The following SIN3A variants were observed in gnomAD, a reference collection of about 807,000 sequenced individuals.
The protein encoded by SIN3A is paired amphipathic helix protein Sin3a.
SIN3A carries 14 observed loss-of-function variants against 146.1 expected under a neutral mutation model. The observed-to-expected ratio is 0.10, with a 90% CI of 0.06 to 0.15. SIN3A has a LOEUF of 0.15. SIN3A is among the 10% of genes least tolerant of loss of function. SIN3A has a pLI of 1.00. For missense variants in SIN3A, 1,028 were observed against 1,576.0 expected (o/e 0.65, Z 5.89); for synonymous variants, 572 against 572.0 (o/e 1.00, Z 0.00).
intron 2 of SIN3A, among the ~76,000 whole-genome samples, chr15:75,426,161 A>T (rs992905138): frequency 2.0e-5 from 3 of 152,218 alleles, no homozygotes; most frequent in African/African-American, 7.2e-5. Flanking sequence ...AACAGTCATT[A>T]ACCTGTTTAG....
chr15:75,415,523 C>G (rs1260583373), intron 3 of SIN3A: 1 of 208,208 alleles, frequency 4.8e-6, no homozygotes, highest in African/African-American at 2.4e-5. Flanking sequence ...AGGTTGTATG[C>G]TAAACCTGCT....
At chr15:75,435,454 T>C (rs4297648) in intron 1 of SIN3A, among the ~76,000 whole-genome samples, 54,076 of 152,012 alleles carry the variant, frequency 0.36, 10,909 homozygotes, top group African/African-American at 0.54. Flanking sequence ...TCCCAGCACT[T>C]TGGGAGGCCG....
chr15:75,405,485 TG>T (rs2073494614), intron 9 of SIN3A, among the ~76,000 whole-genome samples: 1 of 151,910 alleles, frequency 6.6e-6, no homozygotes, highest in African/African-American at 2.4e-5. Context: ...CCAGGTGTGG[TG>T]GCTCACACCT....
At chr15:75,434,097 T>C (rs1278172296) in intron 1 of SIN3A, among the ~76,000 whole-genome samples, 3 of 152,220 alleles carry the variant, frequency 2.0e-5, no homozygotes, top group African/African-American at 4.8e-5. Flanking sequence ...TTCACTACCT[T>C]ACCTCTCACA....
intron 1 of SIN3A, among the ~76,000 whole-genome samples, chr15:75,447,239 T>G (rs921726176): frequency 6.6e-6 from 1 of 152,294 alleles, no homozygotes; most frequent in East Asian, 1.9e-4. Context: ...ACAAGGAGAA[T>G]AGAATCCAAG....
chr15:75,398,644 C>T (rs2073348401), intron 12 of SIN3A, among the ~76,000 whole-genome samples: 1 of 152,096 alleles, frequency 6.6e-6, no homozygotes. Flanking sequence ...CACCACTGCA[C>T]TCCAGCCTGG....
intron 16 of SIN3A, 118 bp downstream of exon 16, chr15:75,389,534 G>T (rs545395949): frequency 2.1e-6 from 2 of 971,642 alleles, no homozygotes; most frequent in East Asian, 4.8e-5. Flanking sequence ...CCTCTCTTCA[G>T]AACCCTACGT....
At chr15:75,379,314 T>G (rs1165338586) in intron 19 of SIN3A, among the ~76,000 whole-genome samples, 1 of 152,240 alleles carries the variant, frequency 6.6e-6, no homozygotes, top group Non-Finnish European at 1.5e-5. Flanking sequence ...GGAGTACTCA[T>G]GCTCTAAGAG....
chr15:75,387,699 AT>A (rs530648940), intron 16 of SIN3A, among the ~76,000 whole-genome samples: 37 of 149,608 alleles, frequency 2.5e-4, no homozygotes, highest in Non-Finnish European at 4.2e-4. Flanking sequence ...GTTTTATTGG[AT>A]TTTTTTTTTA....
chr15:75,387,308 T>A (rs992642305), intron 16 of SIN3A, among the ~76,000 whole-genome samples: 2 of 152,048 alleles, frequency 1.3e-5, no homozygotes, highest in African/African-American at 4.8e-5. Flanking sequence ...GTGAATTGCT[T>A]GAGCCCATAA....
intron 1 of SIN3A, chr15:75,446,371 C>G (rs2141631038): frequency 6.7e-6 from 1 of 148,236 alleles, no homozygotes; most frequent in East Asian, 2.0e-4. Flanking sequence ...TTGACATGTT[C>G]CAAAACAGCA....
intron 2 of SIN3A, among the ~76,000 whole-genome samples, chr15:75,427,054 C>G (rs1038475803): frequency 1.3e-5 from 2 of 152,070 alleles, no homozygotes; most frequent in Non-Finnish European, 2.9e-5. Flanking sequence ...GAAAAAAAGT[C>G]ATTTTATATC....
intron 18 of SIN3A, 147 bp downstream of exon 18, chr15:75,381,466 G>C: frequency 3.2e-6 from 2 of 630,648 alleles, no homozygotes; most frequent in South Asian, 2.1e-5. Flanking sequence ...GACATGGCTG[G>C]ATTGACTTGT....
At position 75,430,050 on chromosome 15, in the gene SIN3A, C is replaced by A; in HGVS notation, c.189+137G>T. 3 of 674,100 alleles carry A rather than the reference C, an allele frequency of 4.5e-6. No homozygotes were observed. The East Asian group carries it at 8.2e-5, about 18-fold the overall frequency. 41.8% of individuals were successfully genotyped at this position (674,100 alleles called of 1,614,324 possible). A position where few individuals can be genotyped will look rare whatever the true frequency, so the allele number is the denominator to read the frequency against. Reference sequence around the variant, plus strand: ...TTTTTAAAAACTTGTATGGTGAGTACACAGTTATTTTTTTTTTTACCTTAC... The same window carrying A: ...TTTTTAAAAACTTGTATGGTGAGTAAACAGTTATTTTTTTTTTTACCTTAC... On this transcript the variant is annotated intron_variant, in intron 2 of 20. Coordinates refer to ENST00000394947, the MANE Select transcript of SIN3A (RefSeq NM_001145358.2).
At chr15:75,444,747 A>C (rs1467082284) in intron 1 of SIN3A, among the ~76,000 whole-genome samples, 1 of 152,178 alleles carries the variant, frequency 6.6e-6, no homozygotes, top group Non-Finnish European at 1.5e-5. Flanking sequence ...GAAAATGAAC[A>C]GAAATTTAGT....
chr15:75,413,424 C>A lies in SIN3A; in HGVS notation c.474-379G>T, dbSNP rs1443898973. On this transcript the variant is annotated intron_variant, in intron 4 of 20. Coordinates refer to ENST00000394947, the MANE Select transcript of SIN3A (RefSeq NM_001145358.2). ...GCATGAGCCACCTCACTCAAAATTT[C>A]ACTTTCTACTAGGTTTTCTCTAAAC... Among the ~76,000 whole-genome samples the A allele has an allele frequency of 2.6e-5, 4 of 152,316 alleles. No individual in the cohort carries two copies. The South Asian group carries it at 6.2e-4, about 24-fold the overall frequency.
intron 1 of SIN3A, among the ~76,000 whole-genome samples, chr15:75,444,458 A>G (rs1241168684): frequency 6.6e-6 from 1 of 152,208 alleles, no homozygotes; most frequent in Non-Finnish European, 1.5e-5. Context: ...AATTAAAAAT[A>G]AAAATAAATT....
chr15:75,433,760 G>C (rs142505511), intron 1 of SIN3A, among the ~76,000 whole-genome samples: 1 of 152,178 alleles, frequency 6.6e-6, no homozygotes, highest in East Asian at 1.9e-4. Flanking sequence ...AGTGAGCCGA[G>C]ATCATGCCAC....
intron 17 of SIN3A, among the ~76,000 whole-genome samples, chr15:75,383,673 C>G (rs533909417): frequency 6.6e-6 from 1 of 152,230 alleles, no homozygotes; most frequent in African/African-American, 2.4e-5. Flanking sequence ...GGACTACAGA[C>G]GCCCACCACT....
Sources: allele counts gnomAD v4.1 joint callset (sites outside exome capture counted in the v4.1 genomes callset), GRCh38; gene constraint gnomAD v4.1.1; transcripts MANE v1.5; gene names NCBI Gene and HGNC (gene_info 2026-07-23, HGNC 2026-07-21).